KLF12: variants seen among roughly 807,000 people sequenced by gnomAD.
KLF12 encodes KLF transcription factor 12.
In KLF12, 9 loss-of-function variants were observed where a neutral mutation model predicts 37.8. That is an observed-to-expected ratio of 0.24 (90% CI 0.14 to 0.42). KLF12 has a LOEUF of 0.42. Ranked by LOEUF, KLF12 falls within the 10% of genes least tolerant of loss-of-function variation. KLF12 has a pLI of 1.00. For missense variants in KLF12, 411 were observed against 516.0 expected (o/e 0.80, Z 1.97); for synonymous variants, 208 against 202.1 (o/e 1.03, Z -0.25).
intron 3 of KLF12, among the ~76,000 whole-genome samples, chr13:73,910,432 C>T (rs1349175043): frequency 6.6e-6 from 1 of 152,162 alleles, no homozygotes; most frequent in Non-Finnish European, 1.5e-5. Flanking sequence ...TCTTAAACTA[C>T]AGATTGTTCT....
chr13:73,930,927 G>A (rs1044820665), intron 3 of KLF12, among the ~76,000 whole-genome samples: 2 of 142,810 alleles, frequency 1.4e-5, no homozygotes, highest in South Asian at 2.3e-4. Flanking sequence ...GCAATGGCGC[G>A]ATCTCGGCTC....
intron 1 of KLF12, among the ~76,000 whole-genome samples, chr13:74,056,149 T>TC (rs1194531903): frequency 1.3e-5 from 2 of 150,680 alleles, no homozygotes; most frequent in Non-Finnish European, 3.0e-5. Context: ...ATGGAGGAGG[T>TC]CTGAGGGAGG....
At chr13:74,225,039 G>A in the KLF12 span, among the ~76,000 whole-genome samples, 9 of 152,142 alleles carry the variant, frequency 5.9e-5, no homozygotes, top group Admixed American at 5.9e-4. Flanking sequence ...CTACTAAATG[G>A]CTTTCTCCTT....
chr13:74,239,844 C>T, the KLF12 span, among the ~76,000 whole-genome samples: 19 of 151,814 alleles, frequency 1.3e-4, no homozygotes, highest in African/African-American at 2.2e-4. Flanking sequence ...TGTCTCTGCA[C>T]GTGAGATGGG....
intron 7 of KLF12, among the ~76,000 whole-genome samples, chr13:73,699,566 T>C (rs1874396823): frequency 6.6e-6 from 1 of 152,140 alleles, no homozygotes; most frequent in African/African-American, 2.4e-5. Context: ...TCTCCATACT[T>C]CACCTGGTAA....
At chr13:74,302,984 C>T in the KLF12 span, among the ~76,000 whole-genome samples, 39 of 152,138 alleles carry the variant, frequency 2.6e-4, no homozygotes, top group African/African-American at 8.9e-4. Flanking sequence ...ATTTTTAAAC[C>T]TTTCAATCGT....
At chr13:74,245,696 T>G in the KLF12 span, among the ~76,000 whole-genome samples, 1 of 152,192 alleles carries the variant, frequency 6.6e-6, no homozygotes, top group Non-Finnish European at 1.5e-5. Flanking sequence ...ATTTGTTGTT[T>G]TATGAACCTT....
intron 3 of KLF12, among the ~76,000 whole-genome samples, chr13:73,908,498 T>C (rs1888419002): frequency 6.6e-6 from 1 of 151,502 alleles, no homozygotes; most frequent in African/African-American, 2.4e-5. Flanking sequence ...TGTTTTTTTT[T>C]GAGATGGAGT....
intron 4 of KLF12, among the ~76,000 whole-genome samples, chr13:73,836,300 G>A (rs2138617952): frequency 6.6e-6 from 1 of 152,202 alleles, no homozygotes; most frequent in South Asian, 2.1e-4. Context: ...TGAAAGAGCT[G>A]AGAAAATAGT....
intron 6 of KLF12, among the ~76,000 whole-genome samples, chr13:73,716,168 T>C (rs1329378286): frequency 1.3e-5 from 2 of 152,174 alleles, no homozygotes; most frequent in East Asian, 1.9e-4. Flanking sequence ...ACCACCATTA[T>C]AAAAAAAAGT....
chr13:73,803,662 C>T (rs959713012), intron 5 of KLF12, among the ~76,000 whole-genome samples: 4 of 151,906 alleles, frequency 2.6e-5, no homozygotes, highest in African/African-American at 9.7e-5. Context: ...TTATCCAATG[C>T]TTTTCTAGTG....
intron 3 of KLF12, among the ~76,000 whole-genome samples, chr13:73,925,794 T>C (rs968856892): frequency 7.9e-5 from 12 of 152,160 alleles, no homozygotes; most frequent in Non-Finnish European, 1.5e-4. Context: ...GGTCAAAGTA[T>C]CAACATTAAC....
At chr13:73,761,750 A>G (rs1375252105) in intron 6 of KLF12, among the ~76,000 whole-genome samples, 1 of 152,184 alleles carries the variant, frequency 6.6e-6, no homozygotes. Flanking sequence ...TTTAATTTAC[A>G]GGGCCCCAGC....
At chr13:74,251,900 G>C in the KLF12 span, among the ~76,000 whole-genome samples, 8,283 of 152,244 alleles carry the variant, frequency 0.054, 272 homozygotes, top group African/African-American at 0.083. Context: ...CCAGACCCCA[G>C]TTGCAAGCGG....
chr13:74,091,390 T>C (rs549926404), intron 1 of KLF12, among the ~76,000 whole-genome samples: 1 of 152,354 alleles, frequency 6.6e-6, no homozygotes, highest in African/African-American at 2.4e-5. Context: ...CTCCGTAGTT[T>C]TGACTCTCCT....
intron 4 of KLF12, among the ~76,000 whole-genome samples, chr13:73,831,279 A>AT (rs1360240985): frequency 2.0e-5 from 3 of 152,218 alleles, no homozygotes; most frequent in Non-Finnish European, 4.4e-5. Flanking sequence ...CTGTGCCCTT[A>AT]TAAGTGGTAC....
chr13:74,113,581 G>A (rs552160948), intron 1 of KLF12, among the ~76,000 whole-genome samples: 5 of 152,262 alleles, frequency 3.3e-5, no homozygotes, highest in African/African-American at 1.2e-4. Flanking sequence ...ACTTACTATT[G>A]AGATGTACTG....
intron 3 of KLF12, among the ~76,000 whole-genome samples, chr13:73,887,192 GTCTAA>G (rs1020185576): frequency 9.0e-4 from 137 of 152,218 alleles, no homozygotes; most frequent in African/African-American, 3.0e-3. Context: ...AATCTAGATA[GTCTAA>G]TCTAAATAAA....
At position 73,863,866 on chromosome 13, in the gene KLF12, C is replaced by T. The variant is rs117027529; in HGVS notation, c.124-17493G>A. On this transcript the variant is annotated intron_variant, in intron 3 of 7. Transcript: ENST00000377669. ...TGGATACTCCAACACATTAATATCT[C>T]TGCAGTAAAACACATGAACATTTAC... is the stretch of plus-strand genomic sequence containing the variant. Among the ~76,000 whole-genome samples, 28 of 152,240 alleles carry T rather than the reference C, an allele frequency of 1.8e-4. No individual in the cohort carries two copies. The East Asian group carries it at 4.6e-3, about 25-fold the overall frequency.
Sources: gnomAD v4.1 joint callset for allele counts (sites outside exome capture counted in the v4.1 genomes callset) on GRCh38, gnomAD v4.1.1 for gene constraint, MANE v1.5 for transcripts, NCBI Gene and HGNC (gene_info 2026-07-23, HGNC 2026-07-21) for gene names.